SCHIP1: variants seen among roughly 807,000 people sequenced by gnomAD.
The protein encoded by SCHIP1 is schwannomin-interacting protein 1.
A neutral mutation model predicts 29.7 loss-of-function variants in SCHIP1; 8 were observed. The observed-to-expected ratio is 0.27, with a 90% CI of 0.16 to 0.49. The LOEUF (loss-of-function observed/expected upper bound fraction) is 0.49, where lower values mean the gene tolerates loss of function less well. Among genes scored for constraint, SCHIP1 ranks in the 20% least tolerant of loss-of-function variants. The pLI is 0.99. For missense variants in SCHIP1, 193 were observed against 294.6 expected, an observed-to-expected ratio of 0.66 and a Z score of 2.52; for synonymous variants, 76 against 94.9, an observed-to-expected ratio of 0.80 and a Z score of 1.16.
At chr3:159,277,527 A>G in the SCHIP1 span, among the ~76,000 whole-genome samples, 2 of 152,164 alleles carry the variant, frequency 1.3e-5, no homozygotes, top group Non-Finnish European at 2.9e-5. Context: ...GCTAGAAACC[A>G]ATTTACTGAC....
At chr3:159,367,682 A>AT in the SCHIP1 span, among the ~76,000 whole-genome samples, 1 of 152,064 alleles carries the variant, frequency 6.6e-6, no homozygotes, top group African/African-American at 2.4e-5. Context: ...CATACATCAG[A>AT]TTTTTTTCTC....
At chr3:159,686,381 T>C in the SCHIP1 span, among the ~76,000 whole-genome samples, 1 of 152,222 alleles carries the variant, frequency 6.6e-6, no homozygotes, top group Admixed American at 6.5e-5. Flanking sequence ...GGAAGTTATC[T>C]TCCTATTAGT....
the SCHIP1 span, among the ~76,000 whole-genome samples, chr3:159,738,937 A>G: frequency 1.3e-5 from 2 of 152,192 alleles, no homozygotes; most frequent in African/African-American, 2.4e-5. Context: ...GAAAATAGGC[A>G]ATGCAAAGAT....
the SCHIP1 span, among the ~76,000 whole-genome samples, chr3:159,510,641 G>C: frequency 6.6e-6 from 1 of 152,192 alleles, no homozygotes; most frequent in Non-Finnish European, 1.5e-5. Flanking sequence ...TACAGATGGG[G>C]TTTTGGTGTG....
the SCHIP1 span, among the ~76,000 whole-genome samples, chr3:159,477,557 T>G: frequency 6.6e-6 from 1 of 152,202 alleles, no homozygotes; most frequent in South Asian, 2.1e-4. Flanking sequence ...ATTTTGTCCA[T>G]GTACTTGTTG....
At chr3:159,665,478 A>G in the SCHIP1 span, among the ~76,000 whole-genome samples, 6 of 151,772 alleles carry the variant, frequency 4.0e-5, 1 homozygote, top group Middle Eastern at 3.4e-3. Flanking sequence ...CCCTGTTCCC[A>G]TTTCACACGG....
the SCHIP1 span, among the ~76,000 whole-genome samples, chr3:159,679,586 G>C: frequency 6.6e-6 from 1 of 152,116 alleles, no homozygotes; most frequent in Non-Finnish European, 1.5e-5. Flanking sequence ...TATCATCCTC[G>C]AGTCTTATCT....
chr3:159,726,942 T>A, the SCHIP1 span, among the ~76,000 whole-genome samples: 1 of 152,186 alleles, frequency 6.6e-6, no homozygotes, highest in Non-Finnish European at 1.5e-5. Context: ...TTTACTTTTA[T>A]GTAACCTGTA....
the SCHIP1 span, among the ~76,000 whole-genome samples, chr3:159,317,871 C>T: frequency 1.3e-5 from 2 of 152,260 alleles, no homozygotes; most frequent in South Asian, 4.1e-4. Context: ...GTGTCTATTC[C>T]AGTGAGGACA....
At chr3:159,542,614 C>T in the SCHIP1 span, among the ~76,000 whole-genome samples, 3 of 151,918 alleles carry the variant, frequency 2.0e-5, no homozygotes, top group Non-Finnish European at 2.9e-5. Context: ...GATGCTGGGC[C>T]CTCTGTTGAA....
the SCHIP1 span, among the ~76,000 whole-genome samples, chr3:159,509,918 A>T: frequency 6.6e-6 from 1 of 151,894 alleles, no homozygotes; most frequent in African/African-American, 2.4e-5. Context: ...CTTCATTTCA[A>T]CTTTGGTGAA....
the SCHIP1 span, chr3:159,401,087 C>A: frequency 3.4e-6 from 2 of 579,972 alleles, no homozygotes; most frequent in Non-Finnish European, 4.3e-6. Flanking sequence ...GATAATAGCA[C>A]ATCCTACAGG....
intron 2 of SCHIP1, among the ~76,000 whole-genome samples, chr3:159,873,928 A>T (rs947457336): frequency 2.0e-5 from 3 of 152,218 alleles, no homozygotes; most frequent in Non-Finnish European, 4.4e-5. Flanking sequence ...TCATTGGCCA[A>T]ACTAATTATC....
the SCHIP1 span, among the ~76,000 whole-genome samples, chr3:159,810,688 A>T: frequency 1.3e-5 from 2 of 152,192 alleles, no homozygotes; most frequent in African/African-American, 4.8e-5. Flanking sequence ...TGGCCGTATT[A>T]TATTTTGGTC....
the SCHIP1 span, among the ~76,000 whole-genome samples, chr3:159,437,932 C>A: frequency 4.8e-4 from 73 of 152,258 alleles, no homozygotes; most frequent in African/African-American, 1.6e-3. Context: ...CTGCCATTTA[C>A]AAGCTTTATT....
chr3:159,458,511 A>G, the SCHIP1 span, among the ~76,000 whole-genome samples: 1 of 151,828 alleles, frequency 6.6e-6, no homozygotes, highest in Non-Finnish European at 1.5e-5. Flanking sequence ...AGCATGGGCA[A>G]TTTTTAAAAG....
At chr3:159,510,105 C>A in the SCHIP1 span, among the ~76,000 whole-genome samples, 1 of 152,216 alleles carries the variant, frequency 6.6e-6, no homozygotes, top group Admixed American at 6.5e-5. Flanking sequence ...GCAGGTACAC[C>A]AATCAGACGT....
the SCHIP1 span, among the ~76,000 whole-genome samples, chr3:159,822,600 A>C: frequency 6.7e-6 from 1 of 150,228 alleles, no homozygotes; most frequent in Non-Finnish European, 1.5e-5. Context: ...ACAGACATGG[A>C]AATTTCCAGG....
chr3:159,281,346 G>A, the SCHIP1 span, among the ~76,000 whole-genome samples: 1 of 152,166 alleles, frequency 6.6e-6, no homozygotes, highest in Non-Finnish European at 1.5e-5. Context: ...AATATTCTAA[G>A]TGGTTTACTT....
Sources: gnomAD v4.1 joint callset for allele counts (sites outside exome capture counted in the v4.1 genomes callset) on GRCh38, gnomAD v4.1.1 for gene constraint, MANE v1.5 for transcripts, NCBI Gene and HGNC (gene_info 2026-07-23, HGNC 2026-07-21) for gene names.